SNTG1: variants seen among roughly 807,000 people sequenced by gnomAD.
SNTG1 encodes gamma-1-syntrophin.
In SNTG1, 39 loss-of-function variants were observed where a neutral mutation model predicts 74.7. The ratio of observed to expected loss-of-function variants is 0.52; its 90% confidence interval spans 0.40 to 0.68. The LOEUF is 0.68. Among genes scored for constraint, SNTG1 ranks in the 30% least tolerant of loss-of-function variants. The pLI, the probability that SNTG1 is intolerant of heterozygous loss-of-function variation, is 0.00. For synonymous variants in SNTG1, 254 were observed against 217.1 expected, an observed-to-expected ratio of 1.17 and a Z score of -1.49; for missense variants, 685 against 609.5, an observed-to-expected ratio of 1.12 and a Z score of -1.30.
At chr8:50,513,797 T>C (rs181311189) in intron 9 of SNTG1, among the ~76,000 whole-genome samples, 16 of 152,360 alleles carry the variant, frequency 1.1e-4, no homozygotes, top group Admixed American at 9.8e-4. Flanking sequence ...GACCCAATTT[T>C]CCAGATGCTA....
intron 13 of SNTG1, among the ~76,000 whole-genome samples, chr8:50,624,731 A>G (rs2094945716): frequency 6.6e-6 from 1 of 152,140 alleles, no homozygotes; most frequent in Non-Finnish European, 1.5e-5. Flanking sequence ...TAGTTCATGC[A>G]TTGCACTTTC....
At chr8:50,342,754 G>A (rs1240986876) in intron 2 of SNTG1, among the ~76,000 whole-genome samples, 1 of 152,142 alleles carries the variant, frequency 6.6e-6, no homozygotes, top group African/African-American at 2.4e-5. Flanking sequence ...AGAAAAAAAG[G>A]ATCACCATAG....
chr8:50,585,137 G>C (rs2094639467), intron 12 of SNTG1, among the ~76,000 whole-genome samples: 1 of 152,132 alleles, frequency 6.6e-6, no homozygotes, highest in African/African-American at 2.4e-5. Context: ...GAGTTTCCAA[G>C]AAATCAAGCA....
intron 2 of SNTG1, among the ~76,000 whole-genome samples, chr8:50,182,998 C>T (rs991305811): frequency 2.6e-5 from 4 of 152,088 alleles, no homozygotes; most frequent in African/African-American, 7.2e-5. Flanking sequence ...ATGCCGCATA[C>T]CAAGTGGTGG....
chr8:50,610,216 T>G (rs1044053546), intron 13 of SNTG1, among the ~76,000 whole-genome samples: 23 of 152,170 alleles, frequency 1.5e-4, no homozygotes, highest in African/African-American at 5.5e-4. Context: ...TATTTTTATT[T>G]TTTGCTTGAC....
At chr8:49,945,330 A>G (rs1422394272) in intron 1 of SNTG1, among the ~76,000 whole-genome samples, 1 of 152,186 alleles carries the variant, frequency 6.6e-6, no homozygotes, top group Non-Finnish European at 1.5e-5. Flanking sequence ...TGGGAGCAGC[A>G]TCCCAGCAGG....
chr8:50,089,697 C>G (rs1044064173), intron 1 of SNTG1, among the ~76,000 whole-genome samples: 4 of 152,094 alleles, frequency 2.6e-5, no homozygotes, highest in African/African-American at 9.7e-5. Flanking sequence ...CAAATCAAAA[C>G]CACAATGAGA....
chr8:50,308,491 T>C (rs1201901352), intron 2 of SNTG1, among the ~76,000 whole-genome samples: 3 of 152,098 alleles, frequency 2.0e-5, no homozygotes, highest in African/African-American at 7.2e-5. Flanking sequence ...ATGTTGCCCA[T>C]ATTTTAATAT....
intron 1 of SNTG1, among the ~76,000 whole-genome samples, chr8:50,151,945 G>A (rs1222246326): frequency 6.6e-6 from 1 of 152,184 alleles, no homozygotes; most frequent in African/African-American, 2.4e-5. Context: ...GCCGAGCTGA[G>A]TTCAATTCCT....
chr8:49,968,860 G>A (rs1336744088), intron 1 of SNTG1, among the ~76,000 whole-genome samples: 3 of 152,132 alleles, frequency 2.0e-5, no homozygotes, highest in African/African-American at 7.2e-5. Context: ...TAGAACTGGG[G>A]ATGACAGATC....
intron 2 of SNTG1, among the ~76,000 whole-genome samples, chr8:50,373,366 G>T (rs934193206): frequency 6.6e-6 from 1 of 152,140 alleles, no homozygotes; most frequent in African/African-American, 2.4e-5. Flanking sequence ...AATCTCACTT[G>T]TTAAGTCTAG....
intron 1 of SNTG1, among the ~76,000 whole-genome samples, chr8:50,078,286 G>A (rs934221803): frequency 1.1e-4 from 16 of 152,016 alleles, no homozygotes; most frequent in South Asian, 6.2e-4. Flanking sequence ...TTTATGTTCA[G>A]TTTGTCAATT....
chr8:50,636,405 A>T (rs1461722753), intron 13 of SNTG1, among the ~76,000 whole-genome samples: 1 of 151,746 alleles, frequency 6.6e-6, no homozygotes, highest in South Asian at 2.1e-4. Flanking sequence ...TTTATTTAAG[A>T]CCCCAGAGCA....
intron 2 of SNTG1, among the ~76,000 whole-genome samples, chr8:50,385,500 G>T (rs959559856): frequency 6.6e-6 from 1 of 152,116 alleles, no homozygotes; most frequent in Non-Finnish European, 1.5e-5. Context: ...CAAATGTCTT[G>T]TTAATAAGCC....
chr8:50,164,568 C>A (rs368119369), intron 1 of SNTG1: 2 of 152,098 alleles, frequency 1.3e-5, no homozygotes, highest in Admixed American at 6.5e-5. Context: ...TATTTGGTTG[C>A]AACTCTTTTT....
chr8:50,027,925 T>C (rs1261048882), intron 1 of SNTG1, among the ~76,000 whole-genome samples: 1 of 152,196 alleles, frequency 6.6e-6, no homozygotes, highest in African/African-American at 2.4e-5. Flanking sequence ...GCTGCAGAAA[T>C]AGTACAGAAT....
chr8:50,047,075 G>T (rs1819152797), intron 1 of SNTG1, among the ~76,000 whole-genome samples: 1 of 152,064 alleles, frequency 6.6e-6, no homozygotes, highest in Non-Finnish European at 1.5e-5. Flanking sequence ...AGGTCTAAAA[G>T]AAATTTATTT....
intron 1 of SNTG1, among the ~76,000 whole-genome samples, chr8:49,934,374 A>AT (rs1022418359): frequency 6.6e-6 from 1 of 151,856 alleles, no homozygotes; most frequent in African/African-American, 2.4e-5. Context: ...TTATCATATC[A>AT]TTTTTGTAAT....
At chr8:50,536,982 A>C (rs1481568752) in intron 11 of SNTG1, among the ~76,000 whole-genome samples, 174 bp downstream of exon 11, 1 of 152,238 alleles carries the variant, frequency 6.6e-6, no homozygotes, top group East Asian at 1.9e-4. Context: ...CTGATGACAA[A>C]ACCACAAGTT....
Sources: allele counts gnomAD v4.1 joint callset (sites outside exome capture counted in the v4.1 genomes callset), GRCh38; gene constraint gnomAD v4.1.1; transcripts MANE v1.5; gene names NCBI Gene and HGNC (gene_info 2026-07-23, HGNC 2026-07-21).